The following TBX1 variants were observed in gnomAD, a reference collection of about 807,000 sequenced individuals.
TBX1 encodes the protein T-box transcription factor 1, also known as T-box transcription factor TBX1.
TBX1 carries 16 observed loss-of-function variants against 40.8 expected under a neutral mutation model. The observed-to-expected ratio is 0.39, with a 90% CI of 0.27 to 0.60. The LOEUF is 0.60. Among genes scored for constraint, TBX1 ranks in the 20% least tolerant of loss-of-function variants. TBX1 has a pLI of 0.51. For missense variants in TBX1, 755 were observed against 728.5 expected (o/e 1.04, Z -0.42); for synonymous variants, 403 against 336.8 (o/e 1.20, Z -2.15).
chr22:19,774,155 C>CTGTAAGATAGTGCAGCTTCTGTGGGGA (rs1343252282), intron 8 of TBX1, among the ~76,000 whole-genome samples: 4 of 152,214 alleles, frequency 2.6e-5, no homozygotes, highest in Non-Finnish European at 5.9e-5. Flanking sequence ...GCTGGTGGGA[C>CTGTAAGATAGTGCAGCTTCTGTGGGGA]TGTAAGATAG....
intron 1 of TBX1, among the ~76,000 whole-genome samples, chr22:19,762,396 G>C (rs558903668): frequency 1.3e-5 from 2 of 152,222 alleles, no homozygotes; most frequent in Non-Finnish European, 2.9e-5. Context: ...CAGAGGGGAC[G>C]GCAAGTGAGG....
At chr22:19,779,860 C>T (rs1419369877), downstream of TBX1, among the ~76,000 whole-genome samples, 1 of 152,254 alleles carries the variant, frequency 6.6e-6, no homozygotes, top group Non-Finnish European at 1.5e-5. Context: ...CGACCCACAT[C>T]ACTCGGGAAA....
Position 19,766,656 on chromosome 22 carries a change from A to G in TBX1, c.1304A>G (p.Tyr435Cys), listed in dbSNP as rs1386894564. The stretch of plus-strand genomic sequence containing the variant: ...TATCCGGCCGCCGCCTACGACCACT[A>G]TCTCGGGGCCAAGAGCCGGCCGGCG... ...YKYPAAAYDH[Y>C]LGAKSRPAPY... Residue 435 changes from tyrosine (Y) to cysteine (C), a missense_variant, in exon 7 of 7, where the codon TAT becomes TGT. Tyr to Cys is a radical substitution (Grantham distance 194). Transcript: ENST00000649276. 11 of 1,551,568 alleles carry G rather than the reference A, an allele frequency of 7.1e-6. No individual in the cohort carries two copies. Among genetic ancestry groups the G allele is most frequent in the African/African-American group, 7.1e-5 (5 of 70,650 alleles).
upstream of TBX1, chr22:19,759,617 C>G (rs1208355258): frequency 6.2e-7 from 1 of 1,611,246 alleles, no homozygotes; most frequent in Non-Finnish European, 8.5e-7. Context: ...GGTGAAGCTT[C>G]GCTGGCTGCC....
intron 2 of TBX1, chr22:19,763,822 G>T: frequency 2.0e-6 from 1 of 494,646 alleles, no homozygotes; most frequent in Non-Finnish European, 3.6e-6. Flanking sequence ...TGTGCCTGAG[G>T]CCCGGCAAGG....
At chr22:19,779,576 G>A, downstream of TBX1, 3 of 1,442,582 alleles carry the variant, frequency 2.1e-6, no homozygotes, top group Non-Finnish European at 2.7e-6. Flanking sequence ...ACTCCCAGTT[G>A]ATAAATCAAA....
intron 2 of TBX1, 121 bp from the exon 3 acceptor site, chr22:19,764,034 G>A: frequency 9.0e-7 from 1 of 1,106,662 alleles, no homozygotes; most frequent in Non-Finnish European, 1.3e-6. Flanking sequence ...TGCGGCAGCA[G>A]AGGGTTCAAT....
intron 8 of TBX1, chr22:19,779,206 G>C (rs372629999): frequency 1.7e-5 from 28 of 1,614,138 alleles, no homozygotes; most frequent in Non-Finnish European, 2.3e-5. Flanking sequence ...TCATTGGATG[G>C]GGTTGTCACC....
rs1445910672 is a variant in TBX1, at chr22:19,761,255, G to T, written c.412G>T (p.Glu138Ter). Residue 138 changes from glutamate (E) to a stop codon, truncating the protein, a stop_gained, in exon 1 of 7, where the codon GAG (glutamate) becomes TAG (stop). Transcript: ENST00000649276. LOFTEE classifies it high-confidence loss of function. The stretch of plus-strand genomic sequence containing the variant: ...GGACGAGTTCAACCAGCTGGGCACC[G>T]AGATGATCGTCACCAAGGCCGGCAG... ...LWDEFNQLGT[E>*]MIVTKAGRRM... The T allele has an allele frequency of 6.4e-7, 1 of 1,565,630 alleles. No individual in the cohort carries two copies. Among genetic ancestry groups the T allele is most frequent in the Non-Finnish European group, 8.7e-7 (1 of 1,154,212 alleles).
downstream of TBX1, among the ~76,000 whole-genome samples, chr22:19,769,719 G>A (rs1157478723): frequency 3.3e-5 from 5 of 152,234 alleles, no homozygotes; most frequent in African/African-American, 1.2e-4. Context: ...TGATCTGAAC[G>A]TTCACCCCCA....
chr22:19,764,730 G>T (rs886305554), intron 3 of TBX1, among the ~76,000 whole-genome samples: 5 of 152,262 alleles, frequency 3.3e-5, no homozygotes, highest in Non-Finnish European at 7.3e-5. Flanking sequence ...TAAGGAAAGA[G>T]AACCTAAACC....
At chr22:19,779,362 C>T (rs776944741) in exon 9 of TBX1, 144 of 1,614,070 alleles carry the variant, frequency 8.9e-5, no homozygotes, top group Non-Finnish European at 1.2e-4. Context: ...CCTTCAATAC[C>T]CAGGGCCTGG....
chr22:19,782,611 C>A (rs1937152550), downstream of TBX1, among the ~76,000 whole-genome samples: 1 of 152,106 alleles, frequency 6.6e-6, no homozygotes, highest in East Asian at 1.9e-4. Context: ...AAGGACTAAC[C>A]TTCCTTGTCA....
At chr22:19,780,531 G>C (rs1468983724), downstream of TBX1, among the ~76,000 whole-genome samples, 3 of 152,150 alleles carry the variant, frequency 2.0e-5, no homozygotes, top group Admixed American at 6.5e-5. Flanking sequence ...ATGGACACTT[G>C]GGTTGCTCCC....
chr22:19,777,558 T>C (rs1937085185), intron 8 of TBX1, among the ~76,000 whole-genome samples: 1 of 152,204 alleles, frequency 6.6e-6, no homozygotes, highest in Non-Finnish European at 1.5e-5. Context: ...TGATTTATAA[T>C]CCTTTGGGTA....
chr22:19,766,978 C>T lies in TBX1; in HGVS notation c.*111C>T. ...GAATACGTTCCCCCAGCCCCAGGGG[C>T]CACCGCGGCTCTCCCCTTCCCCAGC... is the stretch of plus-strand genomic sequence containing the variant. On this transcript the variant is annotated 3_prime_UTR_variant, in exon 7 of 7. Coordinates refer to ENST00000649276, the MANE Select transcript of TBX1 (RefSeq NM_001379200.1). The T allele has an allele frequency of 1.4e-6, 2 of 1,463,446 alleles. No individual in the cohort carries two copies. Among genetic ancestry groups the T allele is most frequent in the Non-Finnish European group, 1.8e-6 (2 of 1,111,010 alleles). 90.7% of individuals were successfully genotyped at this position (1,463,446 alleles called of 1,614,324 possible). A position where few individuals can be genotyped will look rare whatever the true frequency, so the allele number is the denominator to read the frequency against.
rs779281442 is a variant in TBX1, at chr22:19,766,602, C to T, written c.1250C>T (p.Ser417Leu). 6 of 1,504,376 alleles carry T rather than the reference C, an allele frequency of 4.0e-6. No homozygotes were observed. Among genetic ancestry groups the T allele is most frequent in the Middle Eastern group, 2.1e-4 (1 of 4,788 alleles). 93.2% of individuals were successfully genotyped at this position (1,504,376 alleles called of 1,614,324 possible). ...CTGCGCCTGGAGGCGCCCGGCGCAT[C>T]GGAGCCGCTGCACCACCACCCCTAC... ...PELRLEAPGA[S>L]EPLHHHPYKY... Residue 417 changes from serine to leucine, a missense_variant, in exon 7 of 7, where the codon TCG (serine) becomes TTG (leucine). By Grantham distance (145) the Ser-to-Leu change is moderately radical. Around this residue, in one of 3 missense-constraint regions of TBX1, gnomAD observed 412 missense variants for 317.6 expected, o/e 1.30. Coordinates refer to ENST00000649276, the MANE Select transcript of TBX1 (RefSeq NM_001379200.1).
downstream of TBX1, among the ~76,000 whole-genome samples, chr22:19,768,537 T>C (rs1297738793): frequency 2.0e-5 from 3 of 152,050 alleles, no homozygotes; most frequent in South Asian, 2.1e-4. Flanking sequence ...GGAGATGCAT[T>C]TGGGGGGACG....
chr22:19,763,673 G>C (rs1249032232), intron 2 of TBX1: 1 of 436,634 alleles, frequency 2.3e-6, no homozygotes, highest in Non-Finnish European at 4.2e-6. Context: ...TGAGCGCCTA[G>C]TCCCCTTCCC....
Sources: allele counts gnomAD v4.1 joint callset (sites outside exome capture counted in the v4.1 genomes callset), GRCh38; gene constraint gnomAD v4.1.1; regional missense constraint gnomAD v4.1.1; transcripts MANE v1.5; gene names NCBI Gene and HGNC (gene_info 2026-07-23, HGNC 2026-07-21).